Variants in BRAF observed in about 807,000 individuals in gnomAD.
The protein encoded by BRAF is serine/threonine-protein kinase B-raf.
BRAF carries 16 observed loss-of-function variants against 104.6 expected under a neutral mutation model. The ratio of observed to expected loss-of-function variants is 0.15; its 90% CI spans 0.10 to 0.23. The LOEUF is 0.23. BRAF is among the 10% of genes least tolerant of loss of function. BRAF has a pLI of 1.00. For missense variants in BRAF, 541 were observed against 937.3 expected, an observed-to-expected ratio of 0.58 and a Z score of 5.52; for synonymous variants, 310 against 341.6, an observed-to-expected ratio of 0.91 and a Z score of 1.02.
intron 10 of BRAF, 56 bp from the exon 10 acceptor site, chr7:140,783,213 A>T: frequency 6.3e-7 from 1 of 1,596,696 alleles, no homozygotes; most frequent in Non-Finnish European, 8.6e-7. Flanking sequence ...ATGTTAATTT[A>T]TCAGGGGTAG....
In BRAF at chr7:140,734,758, T is replaced by C. The variant is rs555976452; in HGVS notation, c.2260A>G (p.Ile754Val). 13 of 1,391,426 alleles carry C rather than the reference T, an allele frequency of 9.3e-6. No homozygotes were observed. Among genetic ancestry groups the C allele is most frequent in the South Asian group, 1.7e-5 (1 of 60,244 alleles). The allele number at this position is 1,391,426 out of a possible 1,614,324, so 86.2% of individuals were successfully genotyped here. The change falls in exon 19 of 20, where the codon ATT becomes GTT. Residue 754 changes from isoleucine (I) to valine (V), a missense_variant. This residue lies in a region of BRAF where 129 missense variants were observed against 285.8 expected (regional missense o/e 0.45). Coordinates refer to ENST00000644969, the MANE Select transcript of BRAF (RefSeq NM_001374258.1). ...RPLFPQILAS[I>V]ELLARSLPKI... ...GGCAATGAGCGGGCCAGCAGCTCAA[T>C]AGAGGCGAGAATCTACAAAAAAAAA...
At chr7:140,844,853 TG>T (rs772281508) in intron 2 of BRAF, among the ~76,000 whole-genome samples, 6 of 150,828 alleles carry the variant, frequency 4.0e-5, no homozygotes, top group East Asian at 2.0e-4. Flanking sequence ...ACCTGGGAGG[TG>T]GGCTGCAGTG....
the BRAF span, among the ~76,000 whole-genome samples, chr7:140,713,956 C>G: frequency 6.6e-6 from 1 of 152,134 alleles, no homozygotes; most frequent in African/African-American, 2.4e-5. Flanking sequence ...GCTGCCTGAT[C>G]GTTCTTCTGA....
intron 1 of BRAF, among the ~76,000 whole-genome samples, chr7:140,905,267 C>T (rs7776491): frequency 0.3 from 45,720 of 152,166 alleles, 10,965 homozygotes; most frequent in African/African-American, 0.67. Flanking sequence ...ACTGAGAAAT[C>T]TGTCTATTTC....
rs943895970 is a variant in BRAF at position 140,924,855 on chromosome 7, C to G, written c.-152G>C. Reference sequence around the variant, plus strand: ...GGAGCGGCCCGGGCGGCGCCGCGGGCGGAGGGCGCCTGGGCCACCTCAGGT... The same window carrying G: ...GGAGCGGCCCGGGCGGCGCCGCGGGGGGAGGGCGCCTGGGCCACCTCAGGT... On this transcript the variant is annotated 5_prime_UTR_variant, in exon 1 of 20. Coordinates refer to ENST00000644969, the MANE Select transcript of BRAF (RefSeq NM_001374258.1). The surrounding 1 kb of genome is among the most constrained non-coding windows in gnomAD (Gnocchi z 4.2). 8.1e-6 allele frequency: 2 copies of G among 247,364 alleles called. No individual in the cohort carries two copies. Among genetic ancestry groups the G allele is most frequent in the Non-Finnish European group, 1.5e-5 (2 of 134,700 alleles). 15.3% of individuals were successfully genotyped at this position (247,364 alleles called of 1,614,324 possible).
rs79116970 is a variant in BRAF, at chr7:140,770,983, C to T, written c.1814+5929G>A. On this transcript the variant is annotated intron_variant, in intron 14 of 19. Transcript: ENST00000644969. ...AAGATGATAAAACATACTTTACCAA[C>T]CCTGATTCCTCAGAGTGAGTTTATA... Among the ~76,000 whole-genome samples the T allele has an allele frequency of 7.4e-3, 1,119 of 150,756 alleles. 28 individuals carry two copies. The East Asian group carries it at 0.075, about 10-fold the overall frequency.
chr7:140,775,052 T>C (rs1471727580), intron 14 of BRAF, among the ~76,000 whole-genome samples: 1 of 152,126 alleles, frequency 6.6e-6, no homozygotes. Context: ...CTATGCGTTA[T>C]AAAGAAAATC....
At position 140,812,160 on chromosome 7, in the gene BRAF, C is replaced by CTGTGTGTG. The variant is rs201757515; in HGVS notation, c.505-3173_505-3166dup. ...TTTGGGCATGCATGTGCATGCACAC[C>CTGTGTGTG]TGTGTGTGTGTGTGTGTGTGTGTGT... On this transcript the variant is annotated intron_variant, in intron 3 of 19. Transcript: ENST00000644969. 2.4e-3 allele frequency among the ~76,000 whole-genome samples: 344 copies of CTGTGTGTG among 140,628 alleles called. 2 individuals are homozygous for CTGTGTGTG. Among genetic ancestry groups the CTGTGTGTG allele is most frequent in the African/African-American group, 7.0e-3 (269 of 38,174 alleles). 92.3% of individuals were successfully genotyped at this position (140,628 alleles called of 152,430 possible).
chr7:140,779,407 A>G (rs1399658085), intron 12 of BRAF, among the ~76,000 whole-genome samples: 1 of 151,994 alleles, frequency 6.6e-6, no homozygotes, highest in African/African-American at 2.4e-5. Flanking sequence ...TGGCTAATTT[A>G]TGTGCACTTT....
At position 140,721,576 on chromosome 7, in the gene BRAF, T is replaced by G; in HGVS notation, c.*4918A>C. 2.0e-6 allele frequency: 3 copies of G among 1,525,816 alleles called. No homozygotes were observed. Among genetic ancestry groups the G allele is most frequent in the Non-Finnish European group, 2.6e-6 (3 of 1,142,582 alleles). 94.5% of individuals were successfully genotyped at this position (1,525,816 alleles called of 1,614,324 possible). ...GAGCTAGCAACATGGACCACAGATATACTGGTGACTCCGCTCTCCTCTGGC... is the reference window on the plus strand; with the variant it reads ...GAGCTAGCAACATGGACCACAGATAGACTGGTGACTCCGCTCTCCTCTGGC... On this transcript the variant is annotated 3_prime_UTR_variant, in exon 20 of 20. Coordinates refer to ENST00000644969, the MANE Select transcript of BRAF (RefSeq NM_001374258.1).
chr7:140,843,873 G>C (rs923681994), intron 2 of BRAF, among the ~76,000 whole-genome samples: 3 of 152,040 alleles, frequency 2.0e-5, no homozygotes, highest in Non-Finnish European at 2.9e-5. Flanking sequence ...GATGGGCGTG[G>C]TGGCGGGCGC....
intron 3 of BRAF, among the ~76,000 whole-genome samples, chr7:140,815,362 G>A (rs965374126): frequency 6.6e-6 from 1 of 150,692 alleles, no homozygotes; most frequent in African/African-American, 2.4e-5. Context: ...AGCCAAGATG[G>A]TCTCGATCTC....
At chr7:140,917,827 G>A (rs1293841584) in intron 1 of BRAF, among the ~76,000 whole-genome samples, 1 of 152,054 alleles carries the variant, frequency 6.6e-6, no homozygotes, top group Non-Finnish European at 1.5e-5. Context: ...ATCAAAAGAA[G>A]ATTTTCATGA....
chr7:140,729,636 C>A (rs184928534), intron 19 of BRAF, among the ~76,000 whole-genome samples: 2 of 151,876 alleles, frequency 1.3e-5, no homozygotes, highest in Admixed American at 6.6e-5. Flanking sequence ...AAAAAAATTA[C>A]GTGTGGTGCC....
intron 1 of BRAF, among the ~76,000 whole-genome samples, chr7:140,907,080 T>C (rs1202483166): frequency 1.3e-5 from 2 of 152,246 alleles, no homozygotes; most frequent in East Asian, 1.9e-4. Flanking sequence ...TCCATGTCTC[T>C]TTACCTCTCT....
chr7:140,758,133 C>A (rs1798358278), intron 14 of BRAF: 1 of 152,188 alleles, frequency 6.6e-6, no homozygotes, highest in East Asian at 1.9e-4. Context: ...CCCTCTTTCA[C>A]CTAATACTGC....
chr7:140,839,445 A>G (rs570267167), intron 2 of BRAF, among the ~76,000 whole-genome samples: 1 of 152,200 alleles, frequency 6.6e-6, no homozygotes, highest in African/African-American at 2.4e-5. Context: ...AAATGCAATT[A>G]TATGCCAGGG....
intron 2 of BRAF, 93 bp from the exon 3 acceptor site, chr7:140,834,965 T>G: frequency 2.1e-6 from 3 of 1,433,186 alleles, no homozygotes; most frequent in Non-Finnish European, 2.9e-6. Context: ...TATAATCTTT[T>G]CACCAGTTGA....
intron 14 of BRAF, among the ~76,000 whole-genome samples, chr7:140,764,795 A>C (rs899979158): frequency 6.7e-6 from 1 of 148,994 alleles, no homozygotes; most frequent in Admixed American, 6.6e-5. Context: ...AATGAAATAA[A>C]AGAGGATACA....
Sources: allele counts gnomAD v4.1 joint callset (sites outside exome capture counted in the v4.1 genomes callset), GRCh38; gene constraint gnomAD v4.1.1; regional missense constraint gnomAD v4.1.1; non-coding constraint Gnocchi (gnomAD v3.1); transcripts MANE v1.5; gene names NCBI Gene and HGNC (gene_info 2026-07-23, HGNC 2026-07-21).